USP38: variants seen among roughly 807,000 people sequenced by gnomAD.
USP38 encodes ubiquitin carboxyl-terminal hydrolase 38.
A neutral mutation model predicts 94.3 loss-of-function variants in USP38; 49 were observed. That is an observed-to-expected ratio of 0.52 (90% CI 0.41 to 0.66). The LOEUF (loss-of-function observed/expected upper bound fraction) is 0.66, where lower values mean the gene tolerates loss of function less well. Ranked by LOEUF, USP38 falls within the 30% of genes least tolerant of loss-of-function variation. The probability of loss-of-function intolerance (pLI) is 0.00; values close to 1 mark genes in which losing one functional copy is unlikely to be tolerated. For synonymous variants in USP38, 468 were observed against 463.6 expected (o/e 1.01, Z -0.12); for missense variants, 1,128 against 1,229.4 (o/e 0.92, Z 1.23).
In USP38 at chr4:143,212,372, A is replaced by G; in HGVS notation, c.1552A>G (p.Thr518Ala). Reference protein sequence around the residue: ...FFEASRPPWFTPRSQQDCSEY... With the variant: ...FFEASRPPWFAPRSQQDCSEY... ...TGAGGCTTCCAGACCTCCATGGTTT[A>G]CTCCCAGATCACAGCAAGACTGTTC... Residue 518 changes from threonine (T) to alanine (A), a missense_variant, in exon 8 of 10, where the codon ACT (threonine) becomes GCT (alanine). Thr to Ala is a moderately conservative substitution (Grantham distance 58). Transcript: ENST00000307017. 1 of 1,612,372 alleles carries G rather than the reference A, an allele frequency of 6.2e-7. No individual in the cohort carries two copies. The highest frequency in any genetic ancestry group is 1.1e-5 in the South Asian group (1 of 90,940).
chr4:143,185,089 G>T lies in USP38; in HGVS notation c.-362G>T, dbSNP rs183816339. On this transcript the variant is annotated 5_prime_UTR_variant, in exon 1 of 10. Transcript: ENST00000307017. ...ACTCGGAGGCGTGCTTCCTCCACCC[G>T]CCGGCTAGCAGCCCCGGGCCCTGAG... 29 of 188,662 alleles carry T rather than the reference G, an allele frequency of 1.5e-4. No homozygotes were observed. In the East Asian group the frequency reaches 4.4e-3, roughly 29 times the overall value. 11.7% of individuals were successfully genotyped at this position (188,662 alleles called of 1,614,324 possible).
chr4:143,199,776 G>A (rs955608533), intron 4 of USP38, among the ~76,000 whole-genome samples: 1 of 152,088 alleles, frequency 6.6e-6, no homozygotes, highest in African/African-American at 2.4e-5. Flanking sequence ...CTGCATATAT[G>A]TCTTCTTTTG....
chr4:143,185,832 C>T lies in USP38; in HGVS notation c.382C>T (p.Gln128Ter). 1 of 1,614,216 alleles carries T rather than the reference C, an allele frequency of 6.2e-7. No individual in the cohort carries two copies. Among genetic ancestry groups the T allele is most frequent in the Non-Finnish European group, 8.5e-7 (1 of 1,180,042 alleles). Residue 128 changes from glutamine (Q) to a stop codon, truncating the protein, a stop_gained, in exon 1 of 10, where the codon CAG (glutamine) becomes TAG (stop). Coordinates refer to ENST00000307017, the MANE Select transcript of USP38 (RefSeq NM_032557.6). LOFTEE classifies it high-confidence loss of function. Reference sequence around the variant, plus strand: ...GGTGCTGGATCTCTTTAGCCTCCTGCAGGTAGAGGTGTTACGGATGGTGTG... The same window carrying T: ...GGTGCTGGATCTCTTTAGCCTCCTGTAGGTAGAGGTGTTACGGATGGTGTG... Reference protein sequence around the residue: ...PSVLDLFSLLQVEVLRMVCER... With the variant: ...PSVLDLFSLL
intron 1 of USP38, among the ~76,000 whole-genome samples, chr4:143,187,177 G>A (rs1184372498): frequency 6.6e-6 from 1 of 151,658 alleles, no homozygotes; most frequent in Non-Finnish European, 1.5e-5. Flanking sequence ...TAGCAGTAAA[G>A]GTACTTGTCT....
At chr4:143,216,027 A>T (rs1732174533) in intron 9 of USP38, among the ~76,000 whole-genome samples, 1 of 152,080 alleles carries the variant, frequency 6.6e-6, no homozygotes, top group Admixed American at 6.6e-5. Context: ...TATCATATAA[A>T]CACTAGTCAG....
Position 143,214,262 on chromosome 4 carries a change from T to C in USP38, c.2286T>C (p.Ile762=). The change falls in exon 9 of 10, where the codon ATT becomes ATC. Residue 762 remains isoleucine, a synonymous_variant. Coordinates refer to ENST00000307017, the MANE Select transcript of USP38 (RefSeq NM_032557.6). ...TCACGGAGGAACCTGAATACCTTAT[T>C]CTTACTCTCCTGAGATTTTCATATG... ...MQITEEPEYL[I]LTLLRFSYDQ... 6.2e-7 allele frequency: 1 copy of C among 1,613,490 alleles called. No individual in the cohort carries two copies. Among genetic ancestry groups the C allele is most frequent in the Non-Finnish European group, 8.5e-7 (1 of 1,179,774 alleles).
intron 6 of USP38, among the ~76,000 whole-genome samples, chr4:143,207,583 G>A (rs1306567107): frequency 6.6e-6 from 1 of 151,990 alleles, no homozygotes; most frequent in East Asian, 1.9e-4. Context: ...TTATTTTATT[G>A]TTGGGCTCCA....
At chr4:143,192,664 G>A (rs918054270) in intron 2 of USP38, among the ~76,000 whole-genome samples, 3 of 151,346 alleles carry the variant, frequency 2.0e-5, no homozygotes, top group Non-Finnish European at 4.4e-5. Context: ...AAAGAGCAGG[G>A]GTGCCCCCTT....
rs1242338598 is a variant in USP38, at chr4:143,184,997, T to C, written c.-454T>C. On this transcript the variant is annotated 5_prime_UTR_variant, in exon 1 of 10. Coordinates refer to ENST00000307017, the MANE Select transcript of USP38 (RefSeq NM_032557.6). Reference sequence around the variant, plus strand: ...CAGCACTCTCCGTGACAGCGCCTCCTGACTCAGCCCAGGACCGGCTTCTTC... The same window carrying C: ...CAGCACTCTCCGTGACAGCGCCTCCCGACTCAGCCCAGGACCGGCTTCTTC... 1 of 158,432 alleles carries C rather than the reference T, an allele frequency of 6.3e-6. No individual in the cohort carries two copies. Among genetic ancestry groups the C allele is most frequent in the Non-Finnish European group, 1.4e-5 (1 of 72,570 alleles). The allele number at this position is 158,432 out of a possible 1,614,324, so 9.8% of individuals were successfully genotyped here. A position where few individuals can be genotyped will look rare whatever the true frequency, so the allele number is the denominator to read the frequency against.
At chr4:143,198,263 A>G (rs531882111) in intron 4 of USP38, among the ~76,000 whole-genome samples, 35 of 152,298 alleles carry the variant, frequency 2.3e-4, no homozygotes, top group Admixed American at 3.9e-4. Flanking sequence ...GAAAGCATGA[A>G]AACACACCAG....
Position 143,195,917 on chromosome 4 carries a change from T to A in USP38, c.948+72T>A, listed in dbSNP as rs940918474. On this transcript the variant is annotated intron_variant, in intron 3 of 9. Transcript: ENST00000307017. ...TCAATATTTTTTTCTTTGGGTGGTATCCTTGAAAGCATCTAATTTTGAATA... is the reference window on the plus strand; with the variant it reads ...TCAATATTTTTTTCTTTGGGTGGTAACCTTGAAAGCATCTAATTTTGAATA... The A allele has an allele frequency of 3.0e-6, 4 of 1,353,788 alleles. No individual in the cohort carries two copies. The Admixed American group carries it at 7.8e-5, about 27-fold the overall frequency. 83.9% of individuals were successfully genotyped at this position (1,353,788 alleles called of 1,614,324 possible).
intron 2 of USP38, among the ~76,000 whole-genome samples, chr4:143,193,690 C>T (rs906613399): frequency 2.0e-5 from 3 of 152,158 alleles, no homozygotes; most frequent in African/African-American, 7.2e-5. Flanking sequence ...TCCGAATGGA[C>T]ATTTTAATTT....
chr4:143,211,274 T>C (rs1732017361), intron 7 of USP38, among the ~76,000 whole-genome samples: 1 of 152,166 alleles, frequency 6.6e-6, no homozygotes, highest in Admixed American at 6.6e-5. Context: ...CAGATAGATT[T>C]TCCCATATAA....
chr4:143,209,712 T>A, intron 7 of USP38, 55 bp downstream of exon 7: 1 of 1,138,980 alleles, frequency 8.8e-7, no homozygotes, highest in Non-Finnish European at 1.3e-6. Context: ...TAATATTCAT[T>A]AAACTTTACC....
rs1732337076 is a variant in USP38 at position 143,222,004 on chromosome 4, G to A, written c.*1548G>A. 6.6e-6 allele frequency: 1 copy of A among 151,958 alleles called. No homozygotes were observed. 9.4% of individuals were successfully genotyped at this position (151,958 alleles called of 1,614,324 possible). ...GAACCAGTTATCATGCTTTTCTGTG[G>A]TTTTCCTATCCCAATAGTGAATTTC... On this transcript the variant is annotated 3_prime_UTR_variant, in exon 10 of 10. Coordinates refer to ENST00000307017, the MANE Select transcript of USP38 (RefSeq NM_032557.6).
At position 143,212,432 on chromosome 4, in the gene USP38, G is replaced by A; in HGVS notation, c.1604+8G>A. ...CAGATTTCTCCTTGACAGGTAAAAA[G>A]TATTCTTAAAATTGTGATTTGAGTG... On this transcript the variant is annotated splice_region_variant and intron_variant, in intron 8 of 9. Transcript: ENST00000307017. 2 of 1,566,814 alleles carry A rather than the reference G, an allele frequency of 1.3e-6. No homozygotes were observed. The highest frequency in any genetic ancestry group is 1.7e-6 in the Non-Finnish European group (2 of 1,155,542).
At chr4:143,210,497 GA>G (rs1731994087) in intron 7 of USP38, among the ~76,000 whole-genome samples, 1 of 151,850 alleles carries the variant, frequency 6.6e-6, no homozygotes. Context: ...TGAGATAGGA[GA>G]ATTGCTTGAA....
At chr4:143,192,043 T>C (rs1731410527) in intron 2 of USP38, among the ~76,000 whole-genome samples, 1 of 152,264 alleles carries the variant, frequency 6.6e-6, no homozygotes, top group African/African-American at 2.4e-5. Context: ...CTGGCAGAGC[T>C]TAGTTTAAAT....
chr4:143,211,231 C>G (rs1581166744), intron 7 of USP38, among the ~76,000 whole-genome samples: 2 of 152,258 alleles, frequency 1.3e-5, no homozygotes, highest in East Asian at 1.9e-4. Context: ...TTGAGACTGT[C>G]TCTGGTAGCA....
Sources: allele counts gnomAD v4.1 joint callset (sites outside exome capture counted in the v4.1 genomes callset), GRCh38; gene constraint gnomAD v4.1.1; transcripts MANE v1.5; gene names NCBI Gene and HGNC (gene_info 2026-07-23, HGNC 2026-07-21).